STPG2: variants seen among roughly 807,000 people sequenced by gnomAD.
STPG2 encodes sperm-tail PG-rich repeat-containing protein 2.
Under a neutral mutation model 54.2 loss-of-function variants are expected in STPG2, and 56 were observed. The observed-to-expected ratio is 1.03, with a 90% CI of 0.83 to 1.29. The LOEUF is 1.29. STPG2 is among the 50% of genes most tolerant of loss of function. The probability of loss-of-function intolerance (pLI) is 0.00; values close to 1 mark genes in which losing one functional copy is unlikely to be tolerated. For synonymous variants in STPG2, 200 were observed against 181.8 expected (o/e 1.10, Z -0.81); for missense variants, 596 against 544.9 (o/e 1.09, Z -0.93).
intron 8 of STPG2, among the ~76,000 whole-genome samples, chr4:97,939,685 T>G (rs1732902012): frequency 1.3e-5 from 2 of 152,216 alleles, no homozygotes; most frequent in African/African-American, 4.8e-5. Context: ...ATTTTGAGCC[T>G]ATGAGAGTCA....
intron 8 of STPG2, among the ~76,000 whole-genome samples, chr4:97,933,392 C>G (rs1300179327): frequency 6.6e-6 from 1 of 152,016 alleles, no homozygotes; most frequent in Non-Finnish European, 1.5e-5. Flanking sequence ...TCAATTTTTT[C>G]TTTTGTTGAA....
At chr4:97,450,508 G>A (rs931096374) in intron 4 of STPG2, among the ~76,000 whole-genome samples, 2 of 152,168 alleles carry the variant, frequency 1.3e-5, no homozygotes, top group South Asian at 2.1e-4. Flanking sequence ...AGATCAGAGG[G>A]TTCATTAAGG....
intron 4 of STPG2, among the ~76,000 whole-genome samples, chr4:97,465,801 C>G (rs971626451): frequency 6.6e-6 from 1 of 151,560 alleles, no homozygotes; most frequent in African/African-American, 2.4e-5. Context: ...TTGAATTGTA[C>G]TTTTTGATGT....
chr4:98,018,481 T>C (rs952353977), intron 5 of STPG2, among the ~76,000 whole-genome samples: 24 of 152,222 alleles, frequency 1.6e-4, no homozygotes, highest in Non-Finnish European at 3.4e-4. Context: ...TAAACATACG[T>C]GTGCATGTGT....
At chr4:97,768,109 G>A (rs984362327) in intron 9 of STPG2, among the ~76,000 whole-genome samples, 10 of 151,696 alleles carry the variant, frequency 6.6e-5, no homozygotes, top group Non-Finnish European at 1.3e-4. Flanking sequence ...GGATCTTGCA[G>A]TGAGCCGAGA....
chr4:98,031,483 C>T (rs1736595724), intron 5 of STPG2, among the ~76,000 whole-genome samples: 1 of 152,030 alleles, frequency 6.6e-6, no homozygotes, highest in Admixed American at 6.6e-5. Flanking sequence ...TGGAGACTAT[C>T]CTGGCCAACA....
intron 9 of STPG2, among the ~76,000 whole-genome samples, chr4:97,721,619 T>C (rs905983955): frequency 6.6e-6 from 1 of 152,144 alleles, no homozygotes; most frequent in African/African-American, 2.4e-5. Flanking sequence ...TTTTGGTATT[T>C]TTAACTATAT....
At chr4:97,781,892 C>G (rs1159777478) in intron 9 of STPG2, among the ~76,000 whole-genome samples, 1 of 152,086 alleles carries the variant, frequency 6.6e-6, no homozygotes, top group African/African-American at 2.4e-5. Flanking sequence ...GCCCTTCATG[C>G]TAAAAACTCT....
At chr4:97,705,489 C>T (rs910043740) in intron 10 of STPG2, among the ~76,000 whole-genome samples, 19 of 152,000 alleles carry the variant, frequency 1.3e-4, no homozygotes, top group African/African-American at 3.9e-4. Flanking sequence ...CCACACCTGG[C>T]TAATTTTTGT....
chr4:97,787,100 T>C (rs1726851033), intron 9 of STPG2, among the ~76,000 whole-genome samples: 1 of 152,104 alleles, frequency 6.6e-6, no homozygotes, highest in South Asian at 2.1e-4. Context: ...TAATTAGTTC[T>C]AGCAGCTTCT....
At chr4:98,096,136 T>G (rs1455011292) in intron 5 of STPG2, among the ~76,000 whole-genome samples, 2 of 152,202 alleles carry the variant, frequency 1.3e-5, no homozygotes, top group Non-Finnish European at 2.9e-5. Context: ...GGCTCACACC[T>G]GTAATCCCAG....
chr4:98,105,866 G>C, intron 5 of STPG2, 87 bp downstream of exon 5: 1 of 1,172,204 alleles, frequency 8.5e-7, no homozygotes, highest in Non-Finnish European at 1.2e-6. Context: ...AGGCACATTA[G>C]ATCAAAGAGC....
intron 8 of STPG2, among the ~76,000 whole-genome samples, chr4:97,900,867 C>A (rs765358633): frequency 6.6e-6 from 1 of 151,962 alleles, no homozygotes; most frequent in South Asian, 2.1e-4. Context: ...TACAACAAAC[C>A]TCTGTGACAC....
chr4:97,773,949 AG>A (rs36136910), intron 9 of STPG2, among the ~76,000 whole-genome samples: 1,602 of 151,964 alleles, frequency 0.011, 15 homozygotes, highest in Non-Finnish European at 0.017. Flanking sequence ...CAGGGCTTCA[AG>A]TCCAACCTGG....
chr4:97,566,934 T>C (rs535589405), intron 10 of STPG2, among the ~76,000 whole-genome samples: 1 of 151,476 alleles, frequency 6.6e-6, no homozygotes, highest in Non-Finnish European at 1.5e-5. Context: ...CTAATGCTAA[T>C]TGATGAGTTA....
In STPG2 at chr4:98,060,364, G is replaced by C. The variant is rs186201633; in HGVS notation, c.612+45589C>G. Among the ~76,000 whole-genome samples, 647 of 152,122 alleles carry C rather than the reference G, an allele frequency of 4.3e-3. 3 individuals carry two copies. The highest frequency in any genetic ancestry group is 0.024 in the South Asian group (117 of 4,822). On this transcript the variant is annotated intron_variant, in intron 5 of 10. Transcript: ENST00000295268. ...ACCTAGGAATACAGCTAACCAGGAA[G>C]GTGAAAGATCTCTACAATGAGAGCT...
intron 8 of STPG2, among the ~76,000 whole-genome samples, chr4:97,893,602 CA>C (rs1428533929): frequency 6.6e-6 from 1 of 151,858 alleles, no homozygotes; most frequent in Admixed American, 6.6e-5. Context: ...CCTCAATTTT[CA>C]AGAAATTTCT....
chr4:97,992,436 C>G (rs181407738), intron 5 of STPG2, among the ~76,000 whole-genome samples: 1 of 152,256 alleles, frequency 6.6e-6, no homozygotes, highest in East Asian at 1.9e-4. Context: ...TCTAGGTTCT[C>G]TATTCTGTTC....
chr4:97,755,133 C>T (rs1725689817), intron 9 of STPG2, among the ~76,000 whole-genome samples: 1 of 152,244 alleles, frequency 6.6e-6, no homozygotes, highest in South Asian at 2.1e-4. Context: ...TACTTTCTCG[C>T]ATTTATCGGC....
Sources: allele counts gnomAD v4.1 joint callset (sites outside exome capture counted in the v4.1 genomes callset), GRCh38; gene constraint gnomAD v4.1.1; transcripts MANE v1.5; gene names NCBI Gene and HGNC (gene_info 2026-07-23, HGNC 2026-07-21).